Variants in CADPS2 observed in about 807,000 individuals in gnomAD.
CADPS2 encodes calcium-dependent secretion activator 2.
Under a neutral mutation model 172.5 loss-of-function variants are expected in CADPS2, and 93 were observed. That is an observed-to-expected ratio of 0.54 (90% CI 0.46 to 0.64). The LOEUF is 0.64. CADPS2 is among the 30% of genes least tolerant of loss of function. CADPS2 has a pLI of 0.00. For missense variants in CADPS2, 1,420 were observed against 1,565.9 expected, an observed-to-expected ratio of 0.91 and a Z score of 1.57; for synonymous variants, 546 against 555.2, an observed-to-expected ratio of 0.98 and a Z score of 0.23.
At chr7:122,576,008 G>C (rs2067990573) in intron 7 of CADPS2, among the ~76,000 whole-genome samples, 1 of 152,074 alleles carries the variant, frequency 6.6e-6, no homozygotes, top group Non-Finnish European at 1.5e-5. Context: ...ATTTTATTTG[G>C]ATTTCACAAG....
At chr7:122,541,366 T>TTG (rs1371558968) in intron 8 of CADPS2, among the ~76,000 whole-genome samples, 1 of 148,146 alleles carries the variant, frequency 6.8e-6, no homozygotes, top group Admixed American at 6.8e-5. Context: ...CCAGCTATTT[T>TTG]TTTTTTTTTT....
At chr7:122,531,434 T>C (rs1003780927) in intron 8 of CADPS2, among the ~76,000 whole-genome samples, 2 of 152,220 alleles carry the variant, frequency 1.3e-5, no homozygotes, top group Non-Finnish European at 2.9e-5. Flanking sequence ...TTTGAAGTTC[T>C]TCTCTTAAGG....
At chr7:122,625,055 T>TA (rs202086373) in intron 4 of CADPS2, among the ~76,000 whole-genome samples, 377 of 7,970 alleles carry the variant, frequency 0.047, 3 homozygotes, top group African/African-American at 0.11. Context: ...GATTAATTAT[T>TA]TTTTTTTTTT....
At chr7:122,698,528 T>C in intron 2 of CADPS2, 1 of 1,614,032 alleles carries the variant, frequency 6.2e-7, no homozygotes, top group Non-Finnish European at 8.5e-7. Flanking sequence ...CCTGGAACGT[T>C]ATAGATGATC....
At chr7:122,441,483 AG>A (rs2051347747) in intron 16 of CADPS2, 28 bp downstream of exon 16, 2 of 1,440,030 alleles carry the variant, frequency 1.4e-6, no homozygotes, top group Non-Finnish European at 1.9e-6. Flanking sequence ...GAAAGCAAAT[AG>A]TATTTATAAA....
intron 2 of CADPS2, among the ~76,000 whole-genome samples, chr7:122,695,136 G>A (rs544074769): frequency 1.3e-5 from 2 of 152,324 alleles, no homozygotes; most frequent in East Asian, 3.9e-4. Flanking sequence ...TATTATCAAT[G>A]TAGTGTGTCC....
chr7:122,835,965 G>C (rs1808277916), intron 1 of CADPS2, among the ~76,000 whole-genome samples: 1 of 152,066 alleles, frequency 6.6e-6, no homozygotes, highest in African/African-American at 2.4e-5. Flanking sequence ...GCAACTCCAA[G>C]ACACATAATT....
At chr7:122,840,908 C>A (rs944902242) in intron 1 of CADPS2, among the ~76,000 whole-genome samples, 1 of 152,048 alleles carries the variant, frequency 6.6e-6, no homozygotes, top group Non-Finnish European at 1.5e-5. Context: ...AAATTGCAGT[C>A]TCTTATACTA....
chr7:122,718,906 C>T (rs974327366), intron 2 of CADPS2, among the ~76,000 whole-genome samples: 13 of 152,124 alleles, frequency 8.5e-5, no homozygotes, highest in African/African-American at 3.1e-4. Context: ...CTGCTTTCTC[C>T]TCCAACTTGG....
At chr7:122,778,366 T>C (rs1239043996) in intron 1 of CADPS2, among the ~76,000 whole-genome samples, 1 of 152,036 alleles carries the variant, frequency 6.6e-6, no homozygotes, top group East Asian at 1.9e-4. Flanking sequence ...TGCCTGATGA[T>C]ATAATAGAAA....
chr7:122,520,580 T>C (rs1435683506), intron 8 of CADPS2, among the ~76,000 whole-genome samples: 3 of 152,074 alleles, frequency 2.0e-5, no homozygotes, highest in Admixed American at 6.6e-5. Context: ...ATTATTCTAG[T>C]AATAGTAAAG....
At chr7:122,860,813 T>G (rs1429453742) in intron 1 of CADPS2, among the ~76,000 whole-genome samples, 1 of 152,182 alleles carries the variant, frequency 6.6e-6, no homozygotes, top group African/African-American at 2.4e-5. Context: ...AGGTTCCATA[T>G]GCATGAGATC....
chr7:122,563,312 T>C (rs1046976430), intron 7 of CADPS2, among the ~76,000 whole-genome samples: 2 of 152,176 alleles, frequency 1.3e-5, no homozygotes, highest in African/African-American at 4.8e-5. Flanking sequence ...AGGATACTGC[T>C]TGAGTAGCTT....
At chr7:122,566,992 T>C in intron 7 of CADPS2, among the ~76,000 whole-genome samples, 1 of 152,198 alleles carries the variant, frequency 6.6e-6, no homozygotes, top group East Asian at 1.9e-4. Flanking sequence ...GATGCCACTA[T>C]GAACTGGAAA....
At chr7:122,598,752 A>G (rs1370506168) in intron 6 of CADPS2, among the ~76,000 whole-genome samples, 2 of 152,100 alleles carry the variant, frequency 1.3e-5, no homozygotes, top group South Asian at 2.1e-4. Flanking sequence ...TCAAGATAAT[A>G]CTGTTGTCAG....
intron 1 of CADPS2, among the ~76,000 whole-genome samples, chr7:122,822,808 C>T (rs1308381057): frequency 2.0e-5 from 3 of 151,794 alleles, no homozygotes; most frequent in Admixed American, 6.6e-5. Flanking sequence ...GACCCCCACT[C>T]CTGCCCGCCA....
chr7:122,857,129 T>C (rs1815477998), intron 1 of CADPS2, among the ~76,000 whole-genome samples: 1 of 152,110 alleles, frequency 6.6e-6, no homozygotes. Context: ...GATACAATGC[T>C]AAGGGAAAAG....
chr7:122,761,715 C>T (rs1310356224), intron 1 of CADPS2, among the ~76,000 whole-genome samples: 1 of 151,530 alleles, frequency 6.6e-6, no homozygotes, highest in Admixed American at 6.6e-5. Context: ...AAAATGTAGG[C>T]CAGGCATGGT....
Position 122,848,188 on chromosome 7 carries a change from T to C in CADPS2, c.339+37811A>G, listed in dbSNP as rs185033138. Among the ~76,000 whole-genome samples, 422 of 152,296 alleles carry C rather than the reference T, an allele frequency of 2.8e-3. 1 individual carries two copies. The highest frequency in any genetic ancestry group is 4.6e-3 in the Non-Finnish European group (310 of 68,020). On this transcript the variant is annotated intron_variant, in intron 1 of 29. Coordinates refer to ENST00000449022, the MANE Select transcript of CADPS2 (RefSeq NM_017954.11). ...TTAGGAATGTCTCTGATAAAAGCAA[T>C]GCTCTTACTCTCAAGCCTAGCAACC...
Sources: gnomAD v4.1 joint callset for allele counts (sites outside exome capture counted in the v4.1 genomes callset) on GRCh38, gnomAD v4.1.1 for gene constraint, MANE v1.5 for transcripts, NCBI Gene and HGNC (gene_info 2026-07-23, HGNC 2026-07-21) for gene names.